ASXL2: variants seen among roughly 807,000 people sequenced by gnomAD.
ASXL2 encodes the protein ASXL transcriptional regulator 2, also known as putative Polycomb group protein ASXL2.
Under a neutral mutation model 122.0 loss-of-function variants are expected in ASXL2, and 23 were observed. That is an observed-to-expected ratio of 0.19 (90% CI 0.14 to 0.27). The LOEUF (loss-of-function observed/expected upper bound fraction) is 0.27, where lower values mean the gene tolerates loss of function less well. ASXL2 is among the 10% of genes least tolerant of loss of function. The pLI is 1.00. For missense variants in ASXL2, 1,518 were observed against 1,713.8 expected (o/e 0.89, Z 2.02); for synonymous variants, 650 against 637.0 (o/e 1.02, Z -0.31).
In ASXL2 at chr2:25,755,893, G is replaced by A. The variant is rs891301673; in HGVS notation, c.1036+125C>T. 9 of 808,972 alleles carry A rather than the reference G, an allele frequency of 1.1e-5. No individual in the cohort carries two copies. The East Asian group carries it at 1.3e-4, about 12-fold the overall frequency. The allele number at this position is 808,972 out of a possible 1,614,324, so 50.1% of individuals were successfully genotyped here. A position where few individuals can be genotyped will look rare whatever the true frequency, so the allele number is the denominator to read the frequency against. On this transcript the variant is annotated intron_variant, in intron 10 of 12. Coordinates refer to ENST00000435504, the MANE Select transcript of ASXL2 (RefSeq NM_018263.6). Reference sequence around the variant, plus strand: ...TTTAACAACGTGTTCCACACATGATGGTTAATTCTATCCTATGGAAACATC... The same window carrying A: ...TTTAACAACGTGTTCCACACATGATAGTTAATTCTATCCTATGGAAACATC...
chr2:25,796,878 A>C (rs2088918415), intron 5 of ASXL2, among the ~76,000 whole-genome samples: 1 of 152,152 alleles, frequency 6.6e-6, no homozygotes, highest in Non-Finnish European at 1.5e-5. Context: ...CCTAACTAGA[A>C]CTCCACATGT....
At chr2:25,747,498 G>A (rs1473842588) in intron 12 of ASXL2, among the ~76,000 whole-genome samples, 3 of 152,070 alleles carry the variant, frequency 2.0e-5, no homozygotes, top group Non-Finnish European at 2.9e-5. Context: ...AGGGAGATGA[G>A]GGAGAAGAAA....
At chr2:25,863,963 G>A (rs546213839) in intron 1 of ASXL2, among the ~76,000 whole-genome samples, 1 of 149,708 alleles carries the variant, frequency 6.7e-6, no homozygotes, top group East Asian at 2.0e-4. Flanking sequence ...CTGAGATCAC[G>A]CCACTGCACG....
In ASXL2 at chr2:25,790,334, G is replaced by C. The variant is rs1414504232; in HGVS notation, c.403+9051C>G. Among the ~76,000 whole-genome samples the C allele has an allele frequency of 1.6e-5, 2 of 123,808 alleles. 1 individual carries two copies. The highest frequency in any genetic ancestry group is 3.3e-5 in the Non-Finnish European group (2 of 60,426). The allele number at this position is 123,808 out of a possible 152,430, so 81.2% of individuals were successfully genotyped here. A position where few individuals can be genotyped will look rare whatever the true frequency, so the allele number is the denominator to read the frequency against. On this transcript the variant is annotated intron_variant, in intron 5 of 12. Transcript: ENST00000435504. ...GCAGTTGCGGGGTGGGGGTGGGGGG[G>C]GTGTGAGAAGCGCATGAGCAAGGTT... is the stretch of plus-strand genomic sequence containing the variant.
At chr2:25,843,829 A>AAAAAAAAAAAG (rs1553704936) in intron 2 of ASXL2, among the ~76,000 whole-genome samples, 1 of 151,162 alleles carries the variant, frequency 6.6e-6, no homozygotes. Context: ...AAAAAAAAAA[A>AAAAAAAAAAAG]AAAGAAAGAA....
chr2:25,750,098 C>T lies in ASXL2; in HGVS notation c.1458G>A (p.Glu486=), dbSNP rs754340622. 6.2e-6 allele frequency: 10 copies of T among 1,613,822 alleles called. No homozygotes were observed. In the African/African-American group the frequency reaches 1.3e-4, roughly 22 times the overall value. The change falls in exon 12 of 13, where the codon GAG becomes GAA. Residue 486 remains glutamate, a synonymous_variant. Transcript: ENST00000435504. The stretch of plus-strand genomic sequence containing the variant: ...TGACTGGCTTCTGCTCCAAGAGATC[C>T]TCATCCTTTGGGCACTTGATGGGAA... ...SILPIKCPKD[E]DLLEQKPVTS...
intron 1 of ASXL2, among the ~76,000 whole-genome samples, chr2:25,875,505 A>T (rs72803617): frequency 0.043 from 6,469 of 151,828 alleles, 215 homozygotes; most frequent in African/African-American, 0.081. Context: ...AATAATAATG[A>T]TAATAATTAT....
At chr2:25,777,272 T>A (rs975429283) in intron 5 of ASXL2, among the ~76,000 whole-genome samples, 1 of 151,954 alleles carries the variant, frequency 6.6e-6, no homozygotes, top group Admixed American at 6.6e-5. Context: ...GTTTTTTTTT[T>A]AAAAGATGGG....
intron 1 of ASXL2, among the ~76,000 whole-genome samples, chr2:25,864,128 G>A (rs932288681): frequency 6.6e-5 from 10 of 152,094 alleles, no homozygotes; most frequent in African/African-American, 2.4e-4. Context: ...GAAATGGCAT[G>A]TTTCATGAAC....
intron 6 of ASXL2, 21 bp from the exon 7 acceptor site, chr2:25,768,889 A>C: frequency 6.2e-7 from 1 of 1,608,514 alleles, no homozygotes; most frequent in Non-Finnish European, 8.5e-7. Flanking sequence ...AAAACAGACT[A>C]TAAGAAACAA....
chr2:25,812,732 T>A (rs2149177625), intron 3 of ASXL2, among the ~76,000 whole-genome samples: 1 of 152,252 alleles, frequency 6.6e-6, no homozygotes. Context: ...ACTCCATCAT[T>A]GAAAGCATCA....
intron 4 of ASXL2, among the ~76,000 whole-genome samples, chr2:25,804,748 T>C (rs184670058): frequency 1.3e-5 from 2 of 152,226 alleles, no homozygotes; most frequent in Non-Finnish European, 2.9e-5. Context: ...GTGCAGGAAT[T>C]TGAAATTGGC....
chr2:25,842,421 G>GA (rs1457417022), intron 2 of ASXL2, among the ~76,000 whole-genome samples: 1 of 151,274 alleles, frequency 6.6e-6, no homozygotes, highest in Non-Finnish European at 1.5e-5. Context: ...ACTACCTTTT[G>GA]AAAAAAAACT....
In ASXL2 at chr2:25,742,190, G is replaced by A; in HGVS notation, c.4147C>T (p.Pro1383Ser). 1 of 1,614,026 alleles carries A rather than the reference G, an allele frequency of 6.2e-7. No individual in the cohort carries two copies. Among genetic ancestry groups the A allele is most frequent in the Non-Finnish European group, 8.5e-7 (1 of 1,179,890 alleles). ...MNPSSHGQTIPVQAFSEENSI... is the reference protein window; with the variant it reads ...MNPSSHGQTISVQAFSEENSI... Reference sequence around the variant, plus strand: ...TTCTCTTCGGAGAACGCCTGAACAGGAATGGTCTGGCCATGGCTGCTGGGA... The same window carrying A: ...TTCTCTTCGGAGAACGCCTGAACAGAAATGGTCTGGCCATGGCTGCTGGGA... The change falls in exon 13 of 13, where the codon CCT becomes TCT. Residue 1383 changes from proline (P) to serine (S), a missense_variant. Pro to Ser is a moderately conservative substitution (Grantham distance 74). Around this residue, in one of 8 missense-constraint regions of ASXL2, gnomAD observed 831 missense variants for 833.1 expected, o/e 1.00. Coordinates refer to ENST00000435504, the MANE Select transcript of ASXL2 (RefSeq NM_018263.6).
Position 25,742,404 on chromosome 2 carries a change from C to T in ASXL2, c.3933G>A (p.Leu1311=). The T allele has an allele frequency of 2.2e-6, 2 of 918,716 alleles. No homozygotes were observed. The highest frequency in any genetic ancestry group is 2.7e-5 in the South Asian group (2 of 75,156). 56.9% of individuals were successfully genotyped at this position (918,716 alleles called of 1,614,324 possible). Residue 1311 remains leucine (L), a synonymous_variant, in exon 13 of 13, where the codon CTG becomes CTA. Transcript: ENST00000435504. ...PTHQPLLLPP[L]QTPKLYGSPT... is the part of the protein sequence containing the mutation. ...GGCTTCCATACAACTTCGGGGTTTG[C>T]AGGGGTGGAAGGAGTAGGGGCTGGT...
At position 25,749,862 on chromosome 2, in the gene ASXL2, C is replaced by T. The variant is rs1411983226; in HGVS notation, c.1694G>A (p.Ser565Asn). 6.2e-7 allele frequency: 1 copy of T among 1,610,184 alleles called. No homozygotes were observed. The highest frequency in any genetic ancestry group is 2.2e-5 in the East Asian group (1 of 44,860). ...GGTGAGGGAAGACTTCCTCTTGAGG[C>T]TTTCTGGGCTCTGATCAACAAGAGT... ...LATLVDQSPE[S>N]LKRKSSLTQE... The change falls in exon 12 of 13, where the codon AGC becomes AAC. Residue 565 changes from serine (S) to asparagine (N), a missense_variant. Physicochemically the swap from Ser to Asn is conservative, Grantham distance 46 (BLOSUM62 1). Around this residue, in one of 8 missense-constraint regions of ASXL2, gnomAD observed 292 missense variants for 293.5 expected, o/e 1.00. Transcript: ENST00000435504.
At chr2:25,837,090 G>C (rs1263636114) in intron 2 of ASXL2, among the ~76,000 whole-genome samples, 2 of 121,758 alleles carry the variant, frequency 1.6e-5, no homozygotes, top group Admixed American at 9.5e-5. Context: ...GGGGTGGGGG[G>C]GGGGGGCGTG....
At chr2:25,824,530 T>C (rs979122584) in intron 3 of ASXL2, among the ~76,000 whole-genome samples, 9 of 152,080 alleles carry the variant, frequency 5.9e-5, no homozygotes, top group Non-Finnish European at 8.8e-5. Context: ...AGCAAATAGA[T>C]AGAAGTTTAA....
intron 2 of ASXL2, among the ~76,000 whole-genome samples, chr2:25,843,522 T>C (rs574884840): frequency 4.1e-4 from 63 of 152,222 alleles, no homozygotes; most frequent in African/African-American, 1.4e-3. Context: ...GGTAAACTAA[T>C]ATATTTTACT....
Sources: allele counts gnomAD v4.1 joint callset (sites outside exome capture counted in the v4.1 genomes callset), GRCh38; gene constraint gnomAD v4.1.1; regional missense constraint gnomAD v4.1.1; transcripts MANE v1.5; gene names NCBI Gene and HGNC (gene_info 2026-07-23, HGNC 2026-07-21).